GREB1L: variants seen among roughly 807,000 people sequenced by gnomAD.
GREB1L encodes the protein GREB1-like protein.
GREB1L carries 17 observed loss-of-function variants against 200.8 expected under a neutral mutation model. The observed-to-expected ratio is 0.08, with a 90% CI of 0.06 to 0.13. The LOEUF (loss-of-function observed/expected upper bound fraction) is 0.13, where lower values mean the gene tolerates loss of function less well. Among genes scored for constraint, GREB1L ranks in the 10% least tolerant of loss-of-function variants. The probability of loss-of-function intolerance (pLI) is 1.00; values close to 1 mark genes in which losing one functional copy is unlikely to be tolerated. For missense variants in GREB1L, 1,657 were observed against 2,367.7 expected (o/e 0.70, Z 6.23); for synonymous variants, 789 against 893.0 (o/e 0.88, Z 2.08).
At chr18:21,294,435 G>T (rs1386349187) in intron 1 of GREB1L, among the ~76,000 whole-genome samples, 3 of 151,950 alleles carry the variant, frequency 2.0e-5, no homozygotes, top group Non-Finnish European at 4.4e-5. Flanking sequence ...TAACATGGAA[G>T]TGAGACTTTG....
chr18:21,372,004 G>A (rs930157098), intron 2 of GREB1L, among the ~76,000 whole-genome samples: 1 of 152,046 alleles, frequency 6.6e-6, no homozygotes, highest in Admixed American at 6.6e-5. Flanking sequence ...TTGAATTAAG[G>A]TCATTGGACT....
At chr18:21,305,078 C>T (rs1382422151) in intron 1 of GREB1L, among the ~76,000 whole-genome samples, 2 of 151,806 alleles carry the variant, frequency 1.3e-5, no homozygotes, top group Admixed American at 6.6e-5. Context: ...TGGGTTCAAG[C>T]GATTCTCCTG....
At chr18:21,289,235 C>A (rs1180829557) in intron 1 of GREB1L, among the ~76,000 whole-genome samples, 2 of 152,062 alleles carry the variant, frequency 1.3e-5, no homozygotes, top group African/African-American at 4.8e-5. Flanking sequence ...TAAAAATTTA[C>A]CAGAGAGGAT....
chr18:21,382,351 A>T (rs2040352384), intron 2 of GREB1L, among the ~76,000 whole-genome samples: 1 of 152,070 alleles, frequency 6.6e-6, no homozygotes, highest in Non-Finnish European at 1.5e-5. Context: ...TCTCAAAAAA[A>T]TTTTTAAAAA....
chr18:21,454,357 A>C lies in GREB1L; in HGVS notation c.1985-9A>C. On this transcript the variant is annotated splice_polypyrimidine_tract_variant and intron_variant, in intron 14 of 32. Transcript: ENST00000424526. ...AACCTTGTTCTTATGACTTCTCTTT[A>C]AATTTTAGATTTAGATAATGAAACC... The C allele has an allele frequency of 6.5e-7, 1 of 1,541,796 alleles. No individual in the cohort carries two copies.
chr18:21,326,728 A>C (rs940957635), intron 1 of GREB1L, among the ~76,000 whole-genome samples: 4 of 152,228 alleles, frequency 2.6e-5, no homozygotes, highest in Non-Finnish European at 4.4e-5. Flanking sequence ...TAAGACTGCT[A>C]CTGCCTTCTG....
At position 21,396,189 on chromosome 18, in the gene GREB1L, C is replaced by T. The variant is rs533808803; in HGVS notation, c.532+628C>T. Among the ~76,000 whole-genome samples, 7 of 151,832 alleles carry T rather than the reference C, an allele frequency of 4.6e-5. No homozygotes were observed. The East Asian group carries it at 5.8e-4, about 13-fold the overall frequency. ...CCTCCCGAGTAGCTGGGATTACAGG[C>T]GCCCACCATCACGCCCAGCTACTCT... On this transcript the variant is annotated intron_variant, in intron 5 of 32. Transcript: ENST00000424526.
At chr18:21,357,762 C>A (rs57611047) in intron 1 of GREB1L, among the ~76,000 whole-genome samples, 28,335 of 152,104 alleles carry the variant, frequency 0.19, 6,121 homozygotes, top group African/African-American at 0.52. Context: ...TCTTTCTTGA[C>A]AATCAGTTGA....
intron 5 of GREB1L, among the ~76,000 whole-genome samples, chr18:21,398,473 C>A (rs752562890): frequency 6.6e-6 from 1 of 152,132 alleles, no homozygotes; most frequent in Admixed American, 6.5e-5. Context: ...CTTTCTCTAG[C>A]CTTGTAAGTG....
chr18:21,427,021 C>T (rs181041536), intron 7 of GREB1L, among the ~76,000 whole-genome samples: 1,519 of 149,060 alleles, frequency 0.01, 11 homozygotes, highest in Non-Finnish European at 0.014. Flanking sequence ...TATTCTGGGT[C>T]CCTTGCATTT....
chr18:21,448,159 C>CAAA (rs34682720), intron 11 of GREB1L, among the ~76,000 whole-genome samples: 2 of 131,796 alleles, frequency 1.5e-5, no homozygotes, highest in African/African-American at 5.9e-5. Context: ...GAAACTGTCT[C>CAAA]AAAAAAAAAA....
intron 19 of GREB1L, among the ~76,000 whole-genome samples, chr18:21,491,799 C>A (rs2036349199): frequency 6.6e-6 from 1 of 151,590 alleles, no homozygotes; most frequent in Non-Finnish European, 1.5e-5. Flanking sequence ...AAAATGCAGA[C>A]AAAATATCTT....
At chr18:21,295,911 A>G (rs1425105928) in intron 1 of GREB1L, among the ~76,000 whole-genome samples, 1 of 152,242 alleles carries the variant, frequency 6.6e-6, no homozygotes, top group Non-Finnish European at 1.5e-5. Flanking sequence ...CTCTATTACT[A>G]AAAAGTCAAA....
chr18:21,271,708 A>C (rs2038082531), intron 1 of GREB1L, among the ~76,000 whole-genome samples: 1 of 151,028 alleles, frequency 6.6e-6, no homozygotes, highest in South Asian at 2.1e-4. Context: ...TGTAGCCCCC[A>C]CTCATGCAGG....
intron 23 of GREB1L, among the ~76,000 whole-genome samples, chr18:21,501,649 C>T (rs1028936010): frequency 6.6e-6 from 1 of 152,108 alleles, no homozygotes; most frequent in African/African-American, 2.4e-5. Flanking sequence ...TTGTAAAATT[C>T]GAGTTGTAGT....
chr18:21,365,256 G>A (rs1022366285), intron 1 of GREB1L, among the ~76,000 whole-genome samples: 6 of 151,772 alleles, frequency 4.0e-5, no homozygotes, highest in Admixed American at 3.9e-4. Flanking sequence ...ATCCTCTTTT[G>A]TTTTCTTTTT....
intron 32 of GREB1L, 69 bp from the exon 33 acceptor site, chr18:21,522,589 A>G: frequency 8.3e-7 from 1 of 1,205,598 alleles, no homozygotes; most frequent in South Asian, 1.8e-5. Context: ...AGGAAATATA[A>G]TCAGAGATAA....
At chr18:21,366,545 C>G (rs2039685635) in intron 2 of GREB1L, among the ~76,000 whole-genome samples, 1 of 151,886 alleles carries the variant, frequency 6.6e-6, no homozygotes, top group Non-Finnish European at 1.5e-5. Context: ...GATATATGTT[C>G]TAAAGATTTT....
At chr18:21,451,971 T>C in intron 13 of GREB1L, 112 bp from the exon 14 acceptor site, 1 of 936,576 alleles carries the variant, frequency 1.1e-6, no homozygotes, top group Non-Finnish European at 1.6e-6. Flanking sequence ...TATGAATTGC[T>C]GGCTGACCAA....
Sources: allele counts gnomAD v4.1 joint callset (sites outside exome capture counted in the v4.1 genomes callset), GRCh38; gene constraint gnomAD v4.1.1; transcripts MANE v1.5; gene names NCBI Gene and HGNC (gene_info 2026-07-23, HGNC 2026-07-21).